Variants in ANXA10 observed in about 807,000 individuals in gnomAD.
ANXA10 encodes annexin A10, also known as annexin 14.
ANXA10 carries 49 observed loss-of-function variants against 53.5 expected under a neutral mutation model. The ratio of observed to expected loss-of-function variants is 0.92; its 90% CI spans 0.73 to 1.16. The LOEUF (loss-of-function observed/expected upper bound fraction) is 1.16, where lower values mean the gene tolerates loss of function less well. ANXA10 is among the 50% of genes most tolerant of loss of function. ANXA10 has a pLI of 0.00. For missense variants in ANXA10, 393 were observed against 394.4 expected (o/e 1.00, Z 0.03); for synonymous variants, 131 against 128.9 (o/e 1.02, Z -0.11).
intron 1 of ANXA10, among the ~76,000 whole-genome samples, chr4:168,105,258 C>G (rs1051591080): frequency 6.6e-6 from 1 of 151,918 alleles, no homozygotes; most frequent in African/African-American, 2.4e-5. Flanking sequence ...CTGACTCTCT[C>G]CATTCTCCCA....
intron 1 of ANXA10, among the ~76,000 whole-genome samples, chr4:168,127,005 T>C (rs1324821948): frequency 6.6e-6 from 1 of 152,162 alleles, no homozygotes; most frequent in Admixed American, 6.6e-5. Flanking sequence ...CATTAATTAA[T>C]TAACTTAATT....
intron 1 of ANXA10, among the ~76,000 whole-genome samples, chr4:168,099,807 A>G (rs1053592520): frequency 2.6e-5 from 4 of 152,116 alleles, no homozygotes; most frequent in Non-Finnish European, 5.9e-5. Context: ...AGAGACAGAA[A>G]TGGTTTTTAT....
chr4:168,172,983 C>A (rs1455589543), intron 6 of ANXA10, among the ~76,000 whole-genome samples: 2 of 151,784 alleles, frequency 1.3e-5, no homozygotes, highest in East Asian at 3.9e-4. Context: ...AGAGACGGGG[C>A]TTCACCATAT....
intron 3 of ANXA10, among the ~76,000 whole-genome samples, chr4:168,156,390 ATTATATT>A (rs1429882439): frequency 1.1e-4 from 13 of 116,646 alleles, no homozygotes; most frequent in South Asian, 4.6e-4. Context: ...ATTAATATAT[ATTATATT>A]ATATATTATA....
At chr4:168,128,600 G>GC (rs1182672956) in intron 2 of ANXA10, among the ~76,000 whole-genome samples, 6 of 151,954 alleles carry the variant, frequency 3.9e-5, no homozygotes, top group African/African-American at 1.5e-4. Context: ...CTGTAAATTG[G>GC]CCCAATCACT....
At chr4:168,156,198 A>T (rs796718419) in intron 3 of ANXA10, among the ~76,000 whole-genome samples, 350 of 11,798 alleles carry the variant, frequency 0.03, 12 homozygotes, top group East Asian at 0.23. Context: ...TATTATATAT[A>T]ATATATATTA....
chr4:168,122,405 T>C (rs1312076324), intron 1 of ANXA10, among the ~76,000 whole-genome samples: 3 of 152,226 alleles, frequency 2.0e-5, no homozygotes, highest in African/African-American at 7.2e-5. Flanking sequence ...AAGCCCAATA[T>C]AATACTCTGT....
intron 6 of ANXA10, among the ~76,000 whole-genome samples, chr4:168,173,888 C>A (rs2149479739): frequency 6.6e-6 from 1 of 152,048 alleles, no homozygotes; most frequent in East Asian, 1.9e-4. Context: ...TTTTTTTTAG[C>A]CTTTTTGCGT....
intron 2 of ANXA10, among the ~76,000 whole-genome samples, chr4:168,130,218 TTGATATAATCACA>T (rs1731135776): frequency 6.6e-6 from 1 of 152,132 alleles, no homozygotes; most frequent in Non-Finnish European, 1.5e-5. Flanking sequence ...TCTTCATCTG[TTGATATAATCACA>T]TGATTTTTCT....
intron 3 of ANXA10, among the ~76,000 whole-genome samples, chr4:168,142,961 C>T (rs1173489698): frequency 6.6e-6 from 1 of 152,180 alleles, no homozygotes; most frequent in East Asian, 1.9e-4. Context: ...CCCTCCAGAG[C>T]CCAGCCCAGG....
chr4:168,121,625 A>C (rs1730986291), intron 1 of ANXA10, among the ~76,000 whole-genome samples: 1 of 152,180 alleles, frequency 6.6e-6, no homozygotes, highest in African/African-American at 2.4e-5. Context: ...TAGAGCTAAA[A>C]ATTGAGAACA....
chr4:168,156,198 A>ATATTATATATG (rs1491176698), intron 3 of ANXA10, among the ~76,000 whole-genome samples: 1 of 12,040 alleles, frequency 8.3e-5, no homozygotes, highest in African/African-American at 2.3e-4. Flanking sequence ...TATTATATAT[A>ATATTATATATG]ATATATATTA....
At chr4:168,128,875 T>C (rs1731114514) in intron 2 of ANXA10, among the ~76,000 whole-genome samples, 1 of 151,880 alleles carries the variant, frequency 6.6e-6, no homozygotes, top group East Asian at 1.9e-4. Context: ...TCATAATGAA[T>C]GATACTAAAG....
intron 1 of ANXA10, among the ~76,000 whole-genome samples, chr4:168,114,394 C>T (rs1361172366): frequency 1.3e-5 from 2 of 152,140 alleles, no homozygotes; most frequent in South Asian, 2.1e-4. Context: ...CCGACTCAGC[C>T]TCAGGAAATA....
intron 4 of ANXA10, among the ~76,000 whole-genome samples, chr4:168,163,052 T>C (rs145711785): frequency 6.6e-5 from 10 of 152,224 alleles, no homozygotes; most frequent in Non-Finnish European, 1.5e-4. Flanking sequence ...AAGAAGATAT[T>C]GAATCAGGGA....
chr4:168,119,056 A>T (rs1004053841), intron 1 of ANXA10, among the ~76,000 whole-genome samples: 28 of 152,154 alleles, frequency 1.8e-4, no homozygotes, highest in African/African-American at 6.5e-4. Context: ...TATCTACATG[A>T]TTTTTATTTA....
At chr4:168,141,406 A>G (rs563941331) in intron 3 of ANXA10, among the ~76,000 whole-genome samples, 1 of 152,318 alleles carries the variant, frequency 6.6e-6, no homozygotes, top group East Asian at 1.9e-4. Flanking sequence ...TGAAATTCCT[A>G]AATGGTCCTG....
intron 3 of ANXA10, among the ~76,000 whole-genome samples, chr4:168,155,348 T>C (rs369497017): frequency 1.2e-4 from 14 of 120,786 alleles, no homozygotes; most frequent in East Asian, 9.7e-4. Context: ...ATATATAATA[T>C]ATTATATATT....
chr4:168,105,510 T>A (rs1730706455), intron 1 of ANXA10, among the ~76,000 whole-genome samples: 2 of 152,278 alleles, frequency 1.3e-5, no homozygotes, highest in South Asian at 2.1e-4. Flanking sequence ...CTTTATCCAG[T>A]CTACCATTGA....
Sources: gnomAD v4.1 joint callset for allele counts (sites outside exome capture counted in the v4.1 genomes callset) on GRCh38, gnomAD v4.1.1 for gene constraint, MANE v1.5 for transcripts, NCBI Gene and HGNC (gene_info 2026-07-23, HGNC 2026-07-21) for gene names.